Variants in NEXMIF observed in about 807,000 individuals in gnomAD.
The protein encoded by NEXMIF is neurite extension and migration factor.
A neutral mutation model predicts 62.1 loss-of-function variants in NEXMIF; 8 were observed. The ratio of observed to expected loss-of-function variants is 0.13; its 90% CI spans 0.08 to 0.23. NEXMIF has a LOEUF of 0.23. Among genes scored for constraint, NEXMIF ranks in the 10% least tolerant of loss-of-function variants. The pLI is 1.00. For synonymous variants in NEXMIF, 404 were observed against 416.6 expected (o/e 0.97, Z 0.37); for missense variants, 976 against 1,113.3 (o/e 0.88, Z 1.75).
At chrX:74,790,974 C>T (rs74914067) in intron 1 of NEXMIF, among the ~76,000 whole-genome samples, 1 of 110,930 alleles carries the variant, frequency 9.0e-6, no homozygotes, top group Non-Finnish European at 1.9e-5. Flanking sequence ...TTATCTCCTT[C>T]TCCTGCCTAA....
intron 1 of NEXMIF, among the ~76,000 whole-genome samples, chrX:74,752,408 G>T (rs1427069027): frequency 9.0e-6 from 1 of 111,131 alleles, no homozygotes; most frequent in Non-Finnish European, 1.9e-5. Flanking sequence ...TTCCTAGGCA[G>T]AAGTGATAGT....
At chrX:74,864,768 G>T (rs1000536539) in intron 1 of NEXMIF, among the ~76,000 whole-genome samples, 1 of 110,447 alleles carries the variant, frequency 9.1e-6, no homozygotes, top group Non-Finnish European at 1.9e-5. Flanking sequence ...GAGTGCAGTG[G>T]TATGATCTTG....
intron 1 of NEXMIF, among the ~76,000 whole-genome samples, chrX:74,782,171 A>AAG (rs2080249133): frequency 9.0e-6 from 1 of 111,263 alleles, no homozygotes; most frequent in African/African-American, 3.3e-5. Flanking sequence ...CAGGAGCTAC[A>AAG]TTTACTTTAA....
In NEXMIF at chrX:74,832,925, C is replaced by T. The variant is rs1304159973; in HGVS notation, c.-47-87228G>A. ...TAGTTTCCATGTGTTTGTATAGTTT[C>T]CAAAATTCGTTTTGTTCTTAATTTT... On this transcript the variant is annotated intron_variant, in intron 1 of 3. Transcript: ENST00000055682. 3.6e-5 allele frequency among the ~76,000 whole-genome samples: 4 copies of T among 111,668 alleles called. No homozygotes were observed. The South Asian group carries it at 1.5e-3, about 42-fold the overall frequency.
intron 1 of NEXMIF, among the ~76,000 whole-genome samples, chrX:74,886,351 G>A (rs1254317412): frequency 1.8e-5 from 2 of 111,784 alleles, no homozygotes; most frequent in African/African-American, 6.5e-5. Flanking sequence ...AAAAGAGGAA[G>A]TCAAATTGTC....
At chrX:74,820,506 A>G (rs191904846) in intron 1 of NEXMIF, among the ~76,000 whole-genome samples, 1 of 111,466 alleles carries the variant, frequency 9.0e-6, no homozygotes, top group East Asian at 2.8e-4. Context: ...ACTATTGGGT[A>G]TATACCCAAA....
In NEXMIF at chrX:74,739,501, G is replaced by A. The variant is rs1306145456; in HGVS notation, c.4458-3C>T. On this transcript the variant is annotated splice_region_variant and splice_polypyrimidine_tract_variant and intron_variant, in intron 3 of 3. Transcript: ENST00000055682. ...TTAGGAGATTGTAGTCGGAATCCCTGCAGAAAAATCAAACAATTTATGCCA... is the reference window on the plus strand; with the variant it reads ...TTAGGAGATTGTAGTCGGAATCCCTACAGAAAAATCAAACAATTTATGCCA... 8.6e-7 allele frequency: 1 copy of A among 1,167,122 alleles called. No individual in the cohort carries two copies. Among genetic ancestry groups the A allele is most frequent in the Non-Finnish European group, 1.2e-6 (1 of 861,713 alleles).
In NEXMIF at chrX:74,873,452, C is replaced by T. The variant is rs141803823; in HGVS notation, c.-48+51431G>A. ...TGTGAATAATGCCACAATAAACATA[C>T]GTGTGCAAGTGTCTTTATAGCAGCA... On this transcript the variant is annotated intron_variant, in intron 1 of 3. Transcript: ENST00000055682. Among the ~76,000 whole-genome samples, 46 of 111,813 alleles carry T rather than the reference C, an allele frequency of 4.1e-4. No homozygotes were observed. The East Asian group carries it at 0.012, about 30-fold the overall frequency.
intron 1 of NEXMIF, among the ~76,000 whole-genome samples, chrX:74,892,848 T>C (rs1008518173): frequency 3.6e-5 from 4 of 112,160 alleles, no homozygotes; most frequent in African/African-American, 1.3e-4. Flanking sequence ...GAATGGAACG[T>C]CAGAGGCAGA....
chrX:74,766,855 G>T, intron 1 of NEXMIF, among the ~76,000 whole-genome samples: 1 of 112,006 alleles, frequency 8.9e-6, no homozygotes, highest in Non-Finnish European at 1.9e-5. Context: ...CTCTGTGTGT[G>T]GGTCTTCCTT....
chrX:74,814,561 C>T (rs1004432819), intron 1 of NEXMIF, among the ~76,000 whole-genome samples: 5 of 111,919 alleles, frequency 4.5e-5, no homozygotes, highest in African/African-American at 9.7e-5. Flanking sequence ...ATCATGGTCC[C>T]TATCCCTGGG....
At chrX:74,871,705 A>T (rs2080601624) in intron 1 of NEXMIF, among the ~76,000 whole-genome samples, 1 of 111,575 alleles carries the variant, frequency 9.0e-6, no homozygotes, top group Admixed American at 9.6e-5. Flanking sequence ...ATCCATCTAT[A>T]GGCTTTCTGT....
intron 1 of NEXMIF, among the ~76,000 whole-genome samples, chrX:74,746,587 G>A (rs760616679): frequency 2.7e-5 from 3 of 111,920 alleles, no homozygotes; most frequent in Non-Finnish European, 5.6e-5. Context: ...TGATAGTCAA[G>A]CAGCTATTAT....
intron 1 of NEXMIF, among the ~76,000 whole-genome samples, chrX:74,788,688 T>C (rs966782141): frequency 9.0e-6 from 1 of 111,725 alleles, no homozygotes. Context: ...GTTGGGATAC[T>C]TGCCAACATG....
intron 1 of NEXMIF, among the ~76,000 whole-genome samples, chrX:74,755,657 C>G (rs1438520357): frequency 8.9e-6 from 1 of 111,972 alleles, no homozygotes; most frequent in Non-Finnish European, 1.9e-5. Context: ...TCACTAAGTA[C>G]ACAACTGCTA....
At chrX:74,842,369 T>C (rs2080476797) in intron 1 of NEXMIF, among the ~76,000 whole-genome samples, 1 of 112,061 alleles carries the variant, frequency 8.9e-6, no homozygotes. Context: ...TCTTATTTTC[T>C]TCTTTATTAG....
At chrX:74,835,110 ACGT>A (rs2080452122) in intron 1 of NEXMIF, among the ~76,000 whole-genome samples, 1 of 111,978 alleles carries the variant, frequency 8.9e-6, no homozygotes. Flanking sequence ...ATTCTTCAGT[ACGT>A]CAATTTCATT....
At chrX:74,884,494 T>C (rs750858815) in intron 1 of NEXMIF, among the ~76,000 whole-genome samples, 1 of 111,341 alleles carries the variant, frequency 9.0e-6, no homozygotes, top group Non-Finnish European at 1.9e-5. Context: ...GGGGTTGCAA[T>C]CCTAGTCTCT....
Position 74,833,888 on chromosome X carries a change from C to CTG in NEXMIF, c.-47-88192_-47-88191insCA, listed in dbSNP as rs767915283. ...TAAGGCTGGGTGCGGTGGCTCATGA[C>CTG]TAATTCCAGCACTTTGGGAGGCCGA... is the stretch of plus-strand genomic sequence containing the variant. On this transcript the variant is annotated intron_variant, in intron 1 of 3. Coordinates refer to ENST00000055682, the MANE Select transcript of NEXMIF (RefSeq NM_001008537.3). Among the ~76,000 whole-genome samples the CTG allele has an allele frequency of 3.4e-3, 381 of 110,857 alleles. 2 individuals are homozygous for CTG. The highest frequency in any genetic ancestry group is 0.012 in the African/African-American group (364 of 30,512).
Sources: gnomAD v4.1 joint callset for allele counts (sites outside exome capture counted in the v4.1 genomes callset) on GRCh38, gnomAD v4.1.1 for gene constraint, MANE v1.5 for transcripts, NCBI Gene and HGNC (gene_info 2026-07-23, HGNC 2026-07-21) for gene names.